FAAP20: variants seen among roughly 807,000 people sequenced by gnomAD.
FAAP20 encodes the protein Fanconi anemia core complex-associated protein 20.
Under a neutral mutation model 16.2 loss-of-function variants are expected in FAAP20, and 12 were observed. The ratio of observed to expected loss-of-function variants is 0.74; its 90% CI spans 0.48 to 1.20. FAAP20 has a LOEUF of 1.20. FAAP20 is among the 50% of genes most tolerant of loss of function. FAAP20 has a pLI of 0.00. For missense variants in FAAP20, 288 were observed against 245.8 expected, an observed-to-expected ratio of 1.17 and a Z score of -1.15; for synonymous variants, 141 against 110.7, an observed-to-expected ratio of 1.27 and a Z score of -1.72.
At chr1:2,202,067 A>G (rs185447586), upstream of FAAP20, among the ~76,000 whole-genome samples, 1 of 151,962 alleles carries the variant, frequency 6.6e-6, no homozygotes, top group Non-Finnish European at 1.5e-5. Context: ...GTGGCCTGAA[A>G]GTTATGGCCC....
downstream of FAAP20, chr1:2,184,993 C>T (rs750037692): frequency 6.2e-7 from 1 of 1,613,350 alleles, no homozygotes; most frequent in Non-Finnish European, 8.5e-7. Flanking sequence ...TTGCTGTCCA[C>T]CGAGGAGTCG....
chr1:2,190,713 G>C (rs1315405514), intron 3 of FAAP20: 2 of 326,104 alleles, frequency 6.1e-6, no homozygotes, highest in African/African-American at 4.3e-5. Context: ...CAAGTGGTCA[G>C]TGTCCCATCA....
downstream of FAAP20, among the ~76,000 whole-genome samples, chr1:2,187,414 C>T (rs1201159727): frequency 6.6e-6 from 1 of 151,804 alleles, no homozygotes; most frequent in African/African-American, 2.4e-5. Flanking sequence ...AAGCGATTCT[C>T]CTGCCTCAGC....
chr1:2,203,084 C>G (rs1689110046), upstream of FAAP20, among the ~76,000 whole-genome samples: 1 of 152,262 alleles, frequency 6.6e-6, no homozygotes, highest in Non-Finnish European at 1.5e-5. Context: ...CCCCCTTCTG[C>G]TTTTCTCCCT....
upstream of FAAP20, chr1:2,200,412 A>AAT: frequency 6.6e-6 from 1 of 152,354 alleles, no homozygotes; most frequent in Non-Finnish European, 1.4e-5. Context: ...AAAAAAAAAA[A>AAT]GGTAAGGAAA....
At chr1:2,198,058 G>A (rs867631860), upstream of FAAP20, 7 of 1,291,396 alleles carry the variant, frequency 5.4e-6, no homozygotes, top group Middle Eastern at 2.1e-4. Flanking sequence ...TGCTGGTGAT[G>A]GTGATGGTGG....
At chr1:2,196,401 A>G (rs995082841), upstream of FAAP20, among the ~76,000 whole-genome samples, 12 of 152,046 alleles carry the variant, frequency 7.9e-5, no homozygotes, top group African/African-American at 2.9e-4. This position sits in a 1 kb window ranked among gnomAD's most constrained non-coding sequence, Gnocchi z 4.5. Context: ...GTCTCTATAA[A>G]TAAAAAATTA....
Position 2,189,668 on chromosome 1 carries a change from T to C in FAAP20, c.*41A>G, listed in dbSNP as rs1198847766. On this transcript the variant is annotated 3_prime_UTR_variant, in exon 4 of 4. Transcript: ENST00000378546. ...GCGGGGCTGCTGGCGGGGGAGAGCG[T>C]GTCCGGGCGCCGCACTCTGCGCAGG... 8.4e-6 allele frequency: 13 copies of C among 1,552,556 alleles called. No homozygotes were observed. The highest frequency in any genetic ancestry group is 1.2e-5 in the Non-Finnish European group (13 of 1,130,178).
chr1:2,204,679 C>T (rs1275165630), upstream of FAAP20, among the ~76,000 whole-genome samples: 1 of 152,170 alleles, frequency 6.6e-6, no homozygotes, highest in Non-Finnish European at 1.5e-5. Context: ...TGCCCAGCGC[C>T]TTCAGGACTA....
At chr1:2,192,721 C>T (rs918674188) in intron 3 of FAAP20, 2 of 1,155,042 alleles carry the variant, frequency 1.7e-6, no homozygotes, top group Non-Finnish European at 2.2e-6. Flanking sequence ...CAAGGGAATC[C>T]TCCCACTTCA....
downstream of FAAP20, among the ~76,000 whole-genome samples, chr1:2,209,237 G>T (rs1450052609): frequency 6.6e-6 from 1 of 152,000 alleles, no homozygotes; most frequent in Non-Finnish European, 1.5e-5. Flanking sequence ...TTGCGCTGCT[G>T]GCCCCCGCCC....
chr1:2,210,631 G>A (rs1414354174), downstream of FAAP20, among the ~76,000 whole-genome samples: 1 of 152,234 alleles, frequency 6.6e-6, no homozygotes, highest in African/African-American at 2.4e-5. Context: ...AGCTTTCTGG[G>A]CAGCACTAGT....
chr1:2,188,286 T>A (rs1687790740), downstream of FAAP20, among the ~76,000 whole-genome samples: 1 of 152,166 alleles, frequency 6.6e-6, no homozygotes, highest in Admixed American at 6.5e-5. Context: ...GGCTGACGGA[T>A]CTGGGTGAAC....
At chr1:2,194,229 A>C in intron 1 of FAAP20, 96 bp from the exon 2 acceptor site, 1 of 1,431,290 alleles carries the variant, frequency 7.0e-7, no homozygotes, top group Non-Finnish European at 9.3e-7. Flanking sequence ...GAGCGGGGAG[A>C]TGGGGGGTAC....
upstream of FAAP20, among the ~76,000 whole-genome samples, chr1:2,204,100 C>T (rs115749992): frequency 2.6e-3 from 394 of 152,352 alleles, 1 homozygote; most frequent in African/African-American, 8.3e-3. Context: ...GGTCCCCATG[C>T]GCTTCTCAGA....
upstream of FAAP20, among the ~76,000 whole-genome samples, chr1:2,201,636 T>C (rs1027920574): frequency 2.0e-5 from 3 of 151,938 alleles, no homozygotes; most frequent in South Asian, 2.1e-4. Flanking sequence ...ACAGGAGAAT[T>C]GCTTGAACCT....
chr1:2,185,170 C>G (rs950565464), downstream of FAAP20: 27 of 742,806 alleles, frequency 3.6e-5, no homozygotes, highest in Non-Finnish European at 6.1e-5. Context: ...CTGCTGGGAG[C>G]AGAACAGTCC....
chr1:2,194,514 G>A (rs1688664391), intron 1 of FAAP20, among the ~76,000 whole-genome samples, 174 bp downstream of exon 1: 1 of 142,734 alleles, frequency 7.0e-6, no homozygotes, highest in Non-Finnish European at 1.6e-5. Context: ...GTGGGGTGGG[G>A]GCTCAAGGCG....
chr1:2,197,954 G>A (rs775158933), upstream of FAAP20: 82 of 1,263,458 alleles, frequency 6.5e-5, no homozygotes, highest in Middle Eastern at 2.2e-4. Flanking sequence ...GAAGGGGACC[G>A]GCCACTCAAG....
Sources: gnomAD v4.1 joint callset for allele counts (sites outside exome capture counted in the v4.1 genomes callset) on GRCh38, gnomAD v4.1.1 for gene constraint, Gnocchi (gnomAD v3.1) non-coding constraint, MANE v1.5 for transcripts, NCBI Gene and HGNC (gene_info 2026-07-23, HGNC 2026-07-21) for gene names.